GPC5: variants seen among roughly 807,000 people sequenced by gnomAD.
GPC5 encodes glypican 5, also known as glypican-5.
Under a neutral mutation model 53.9 loss-of-function variants are expected in GPC5, and 47 were observed. The ratio of observed to expected loss-of-function variants is 0.87; its 90% CI spans 0.69 to 1.11. The LOEUF is 1.11. GPC5 is among the 50% of genes most tolerant of loss of function. GPC5 has a pLI of 0.00. For missense variants in GPC5, 748 were observed against 713.1 expected, an observed-to-expected ratio of 1.05 and a Z score of -0.56; for synonymous variants, 286 against 263.3, an observed-to-expected ratio of 1.09 and a Z score of -0.84.
intron 7 of GPC5, among the ~76,000 whole-genome samples, chr13:92,516,277 A>G (rs1227238843): frequency 6.6e-6 from 1 of 152,190 alleles, no homozygotes; most frequent in African/African-American, 2.4e-5. Context: ...AGCAATAGTT[A>G]ACATATTAGT....
intron 7 of GPC5, among the ~76,000 whole-genome samples, chr13:92,485,869 G>C (rs1225076969): frequency 2.6e-5 from 4 of 152,186 alleles, no homozygotes; most frequent in African/African-American, 7.2e-5. Context: ...TGGAGGCTGA[G>C]GCAGGACAAT....
At chr13:91,502,731 T>A (rs1884711828) in intron 2 of GPC5, among the ~76,000 whole-genome samples, 1 of 152,252 alleles carries the variant, frequency 6.6e-6, no homozygotes. Context: ...GGAGCCTTTA[T>A]AGCATGGCAG....
chr13:91,991,453 C>G (rs2040455588), intron 6 of GPC5, among the ~76,000 whole-genome samples: 1 of 152,112 alleles, frequency 6.6e-6, no homozygotes, highest in South Asian at 2.1e-4. Context: ...TACATACTTA[C>G]TAGTACTATC....
chr13:91,727,964 T>A (rs980615747), intron 3 of GPC5, among the ~76,000 whole-genome samples: 2 of 152,086 alleles, frequency 1.3e-5, no homozygotes, highest in African/African-American at 2.4e-5. Flanking sequence ...AATTATTTTT[T>A]AAAAAACACT....
intron 7 of GPC5, among the ~76,000 whole-genome samples, chr13:92,523,848 T>C (rs1402564891): frequency 1.3e-5 from 2 of 152,040 alleles, no homozygotes; most frequent in Admixed American, 6.6e-5. Context: ...ATAAAAGTAA[T>C]GTTTAGATTA....
chr13:92,435,158 G>T (rs1385987329), intron 7 of GPC5, among the ~76,000 whole-genome samples: 1 of 152,074 alleles, frequency 6.6e-6, no homozygotes, highest in Non-Finnish European at 1.5e-5. Flanking sequence ...CAGGTAATCT[G>T]CCCACCTTGG....
chr13:91,767,826 T>TA (rs2037553181), intron 5 of GPC5, among the ~76,000 whole-genome samples: 1 of 152,186 alleles, frequency 6.6e-6, no homozygotes, highest in Non-Finnish European at 1.5e-5. Context: ...CCCATCTGTT[T>TA]GGCACAGAAG....
intron 2 of GPC5, among the ~76,000 whole-genome samples, chr13:91,478,824 C>T (rs503330): frequency 0.75 from 55,619 of 74,058 alleles, 22,522 homozygotes; most frequent in East Asian, 0.92. Flanking sequence ...TATATATATA[C>T]ACACACACAC....
At chr13:92,105,414 T>C (rs958412463) in intron 6 of GPC5, among the ~76,000 whole-genome samples, 1 of 152,148 alleles carries the variant, frequency 6.6e-6, no homozygotes, top group African/African-American at 2.4e-5. Context: ...TCTTTAACTT[T>C]CACACTTTCA....
At chr13:92,602,207 T>TAAA (rs1555294269) in intron 7 of GPC5, among the ~76,000 whole-genome samples, 1 of 113,336 alleles carries the variant, frequency 8.8e-6, no homozygotes, top group African/African-American at 3.2e-5. Flanking sequence ...AATATATATA[T>TAAA]TACATATATA....
chr13:91,985,630 A>G (rs990142147), intron 6 of GPC5, among the ~76,000 whole-genome samples: 1 of 152,104 alleles, frequency 6.6e-6, no homozygotes, highest in Non-Finnish European at 1.5e-5. Context: ...ATTTGTTTTC[A>G]ATGTACCTTC....
At chr13:92,047,444 T>TATA (rs67964381) in intron 6 of GPC5, among the ~76,000 whole-genome samples, 1 of 39,956 alleles carries the variant, frequency 2.5e-5, no homozygotes, top group Non-Finnish European at 6.8e-5. Context: ...ATATATATAT[T>TATA]TTTTTTTCCT....
At chr13:92,251,897 G>T (rs1477990568) in intron 7 of GPC5, among the ~76,000 whole-genome samples, 2 of 152,132 alleles carry the variant, frequency 1.3e-5, no homozygotes, top group African/African-American at 4.8e-5. Context: ...CTACAGCACA[G>T]TGTTATCCAA....
intron 7 of GPC5, among the ~76,000 whole-genome samples, chr13:92,695,576 A>T (rs1488318621): frequency 6.6e-6 from 1 of 151,980 alleles, no homozygotes; most frequent in Non-Finnish European, 1.5e-5. Flanking sequence ...AGTGATATTG[A>T]TGATCATCGT....
chr13:92,417,363 G>T (rs1483847524), intron 7 of GPC5, among the ~76,000 whole-genome samples: 2 of 152,146 alleles, frequency 1.3e-5, no homozygotes, highest in South Asian at 4.1e-4. Flanking sequence ...TGTGGGAGAG[G>T]ATGTAGGGAA....
intron 7 of GPC5, among the ~76,000 whole-genome samples, chr13:92,639,631 G>A (rs1047864011): frequency 6.6e-6 from 1 of 152,018 alleles, no homozygotes; most frequent in African/African-American, 2.4e-5. Flanking sequence ...AGGTGGTCTG[G>A]GCATTCTTAA....
intron 5 of GPC5, among the ~76,000 whole-genome samples, chr13:91,780,843 C>T: frequency 6.6e-6 from 1 of 152,282 alleles, no homozygotes; most frequent in Admixed American, 6.5e-5. Flanking sequence ...GTTGGAAAAA[C>T]ATAATAACTT....
Position 92,291,316 on chromosome 13 carries a change from G to T in GPC5, c.1561+146327G>T, listed in dbSNP as rs141373007. On this transcript the variant is annotated intron_variant, in intron 7 of 7. Transcript: ENST00000377067. ...GAAGCCAGCTGGGCTCCTGAGTCTG[G>T]AGGGGACTTGGAGAACCTTTATGTC... Among the ~76,000 whole-genome samples the T allele has an allele frequency of 8.4e-3, 1,274 of 152,312 alleles. 12 individuals carry two copies. Among genetic ancestry groups the T allele is most frequent in the African/African-American group, 0.014 (574 of 41,570 alleles).
intron 6 of GPC5, among the ~76,000 whole-genome samples, chr13:91,908,289 A>G (rs184567739): frequency 7.2e-5 from 11 of 152,190 alleles, no homozygotes; most frequent in African/African-American, 2.6e-4. Flanking sequence ...AGCAAGCCTC[A>G]GCCTCAGCAT....
Sources: allele counts gnomAD v4.1 joint callset (sites outside exome capture counted in the v4.1 genomes callset), GRCh38; gene constraint gnomAD v4.1.1; transcripts MANE v1.5; gene names NCBI Gene and HGNC (gene_info 2026-07-23, HGNC 2026-07-21).